The following KLHL20 variants were observed in gnomAD, a reference collection of about 807,000 sequenced individuals.
KLHL20 encodes kelch-like protein 20.
In KLHL20, 29 loss-of-function variants were observed where a neutral mutation model predicts 69.5. The observed-to-expected ratio is 0.42, with a 90% confidence interval of 0.31 to 0.57. The LOEUF is 0.57. KLHL20 is among the 20% of genes least tolerant of loss of function. The pLI is 0.18. For synonymous variants in KLHL20, 253 were observed against 265.2 expected (o/e 0.95, Z 0.45); for missense variants, 419 against 776.0 (o/e 0.54, Z 5.47).
chr1:173,730,580 T>G (rs1672220486), intron 2 of KLHL20, among the ~76,000 whole-genome samples: 1 of 152,168 alleles, frequency 6.6e-6, no homozygotes, highest in African/African-American at 2.4e-5. Context: ...TCTACAACTA[T>G]CTGATCTTTG....
intron 2 of KLHL20, among the ~76,000 whole-genome samples, chr1:173,716,948 C>T (rs1671492932): frequency 6.6e-6 from 1 of 152,168 alleles, no homozygotes; most frequent in African/African-American, 2.4e-5. Flanking sequence ...CCCCAGTTTA[C>T]TTCTTTAGTG....
chr1:173,777,087 A>G (rs892178237), intron 10 of KLHL20, among the ~76,000 whole-genome samples: 1 of 152,104 alleles, frequency 6.6e-6, no homozygotes, highest in African/African-American at 2.4e-5. Context: ...TGTCCTCTTC[A>G]ATTTCTTGCA....
At chr1:173,774,470 C>T in intron 9 of KLHL20, 32 bp downstream of exon 9, 1 of 1,612,386 alleles carries the variant, frequency 6.2e-7, no homozygotes, top group Non-Finnish European at 8.5e-7. Flanking sequence ...TCAGGTTCCC[C>T]AAAAGCAGAA....
chr1:173,731,417 C>G (rs559552320), intron 2 of KLHL20, among the ~76,000 whole-genome samples: 2 of 152,116 alleles, frequency 1.3e-5, no homozygotes, highest in Admixed American at 6.5e-5. Flanking sequence ...CACATGCACA[C>G]GTATGTTCAT....
chr1:173,738,931 C>T (rs1162619424), intron 3 of KLHL20, among the ~76,000 whole-genome samples: 1 of 152,096 alleles, frequency 6.6e-6, no homozygotes, highest in African/African-American at 2.4e-5. Context: ...CTATGTTCAT[C>T]AGGGATACTG....
Position 173,751,749 on chromosome 1 carries a change from C to T in KLHL20, c.598-15C>T, listed in dbSNP as rs1196588716. The T allele has an allele frequency of 2.5e-6, 4 of 1,609,330 alleles. No individual in the cohort carries two copies. Among genetic ancestry groups the T allele is most frequent in the Admixed American group, 3.4e-5 (2 of 59,250 alleles). On this transcript the variant is annotated splice_polypyrimidine_tract_variant and intron_variant, in intron 3 of 11. Transcript: ENST00000209884. ...ATCACAGGATTTTTTTTTCTTCTTA[C>T]CTAACTTTGAACAGGTAATGGAGAG...
Position 173,766,103 on chromosome 1 carries a change from C to T in KLHL20, c.1152-43C>T, listed in dbSNP as rs763868857. ...AGAATATGTAAACATAGCCAAGCTTCCTTTGTGTAATACAAACTCTCCTCT... is the reference window on the plus strand; with the variant it reads ...AGAATATGTAAACATAGCCAAGCTTTCTTTGTGTAATACAAACTCTCCTCT... On this transcript the variant is annotated intron_variant, in intron 7 of 11. Transcript: ENST00000209884. 2.7e-6 allele frequency: 4 copies of T among 1,467,006 alleles called. No homozygotes were observed. The East Asian group carries it at 7.6e-5, about 28-fold the overall frequency. 90.9% of individuals were successfully genotyped at this position (1,467,006 alleles called of 1,614,324 possible).
chr1:173,733,593 T>A lies in KLHL20; in HGVS notation c.24-120T>A, dbSNP rs57520670. 6.8e-3 allele frequency: 5,756 copies of A among 848,362 alleles called. 210 individuals carry two copies. The African/African-American group carries it at 0.089, about 13-fold the overall frequency. 52.6% of individuals were successfully genotyped at this position (848,362 alleles called of 1,614,324 possible). On this transcript the variant is annotated intron_variant, in intron 2 of 11. Coordinates refer to ENST00000209884, the MANE Select transcript of KLHL20 (RefSeq NM_014458.4). Reference sequence around the variant, plus strand: ...TGAGACATCATCTCTACAAAAAATTTAAAAAAAAAATCACCAAGCTAATTA... The same window carrying A: ...TGAGACATCATCTCTACAAAAAATTAAAAAAAAAAATCACCAAGCTAATTA...
intron 7 of KLHL20, among the ~76,000 whole-genome samples, chr1:173,761,321 A>C (rs1647285402): frequency 6.6e-6 from 1 of 152,238 alleles, no homozygotes; most frequent in Non-Finnish European, 1.5e-5. Context: ...AGCACTAGAC[A>C]GGTCATCAAG....
chr1:173,741,675 A>G, intron 3 of KLHL20: 1 of 810,254 alleles, frequency 1.2e-6, no homozygotes, highest in Non-Finnish European at 1.8e-6. Flanking sequence ...CCACAAGAAC[A>G]TGCCTCTTGC....
rs775040273 is a variant in KLHL20, at chr1:173,733,860, G to C, written c.171G>C (p.Val57=). Residue 57 remains valine (V), a synonymous_variant, in exon 3 of 12, where the codon GTG becomes GTC. Coordinates refer to ENST00000209884, the MANE Select transcript of KLHL20 (RefSeq NM_014458.4). The part of the protein sequence containing the change: ...SDKHPRQTLE[V]INLLRKHREL... ...AGCACCCTCGACAAACCTTGGAAGT[G>C]ATTAACCTTCTGAGAAAGCACCGGG... 3 of 1,614,000 alleles carry C rather than the reference G, an allele frequency of 1.9e-6. No individual in the cohort carries two copies. Among genetic ancestry groups the C allele is most frequent in the Admixed American group, 1.7e-5 (1 of 59,980 alleles).
At chr1:173,738,133 T>C (rs1234195353) in intron 3 of KLHL20, among the ~76,000 whole-genome samples, 2 of 152,100 alleles carry the variant, frequency 1.3e-5, no homozygotes, top group Non-Finnish European at 2.9e-5. Context: ...GTTTTCTAGG[T>C]ATACAATCAT....
chr1:173,755,124 T>C (rs1342612301), intron 5 of KLHL20, among the ~76,000 whole-genome samples: 1 of 147,482 alleles, frequency 6.8e-6, no homozygotes, highest in Non-Finnish European at 1.5e-5. Flanking sequence ...AGTGGTGCAA[T>C]CTCGACTCAC....
At position 173,785,307 on chromosome 1, in the gene KLHL20, G is replaced by A; in HGVS notation, c.*60G>A. 2 of 1,128,836 alleles carry A rather than the reference G, an allele frequency of 1.8e-6. No individual in the cohort carries two copies. The highest frequency in any genetic ancestry group is 2.5e-6 in the Non-Finnish European group (2 of 800,306). 69.9% of individuals were successfully genotyped at this position (1,128,836 alleles called of 1,614,324 possible). On this transcript the variant is annotated 3_prime_UTR_variant, in exon 12 of 12. Transcript: ENST00000209884. ...TATTCTGGGGAGCTTTGACCTTGGA[G>A]CTTTGTACAGCTTGAGAAAACATTA...
intron 3 of KLHL20, among the ~76,000 whole-genome samples, chr1:173,750,766 G>GC (rs1462719560): frequency 6.6e-6 from 1 of 151,884 alleles, no homozygotes; most frequent in Non-Finnish European, 1.5e-5. Flanking sequence ...TCACTATGTT[G>GC]CCCAGGCTGG....
At chr1:173,768,631 T>C (rs1391099547) in intron 8 of KLHL20, among the ~76,000 whole-genome samples, 1 of 152,194 alleles carries the variant, frequency 6.6e-6, no homozygotes, top group Non-Finnish European at 1.5e-5. Context: ...GAGTAATAGA[T>C]AGCAAAGCTA....
intron 8 of KLHL20, among the ~76,000 whole-genome samples, chr1:173,770,311 A>G (rs1648002429): frequency 6.6e-6 from 1 of 152,206 alleles, no homozygotes; most frequent in Non-Finnish European, 1.5e-5. Context: ...TGAAAGGAAA[A>G]ATCATTTCAG....
chr1:173,756,120 A>T, intron 6 of KLHL20, 82 bp downstream of exon 6: 2 of 969,588 alleles, frequency 2.1e-6, no homozygotes, highest in African/African-American at 1.6e-5. Flanking sequence ...TTGGACAATT[A>T]TGATATTTAC....
intron 3 of KLHL20, among the ~76,000 whole-genome samples, chr1:173,742,351 C>T (rs537637873): frequency 6.6e-6 from 1 of 152,086 alleles, no homozygotes; most frequent in African/African-American, 2.4e-5. Flanking sequence ...GACTCAGCTT[C>T]CTACTTCTGG....
Sources: allele counts gnomAD v4.1 joint callset (sites outside exome capture counted in the v4.1 genomes callset), GRCh38; gene constraint gnomAD v4.1.1; transcripts MANE v1.5; gene names NCBI Gene and HGNC (gene_info 2026-07-23, HGNC 2026-07-21).